The following GTF2A2 variants were observed in gnomAD, a reference collection of about 807,000 sequenced individuals.
The protein encoded by GTF2A2 is general transcription factor IIA subunit 2.
A neutral mutation model predicts 14.3 loss-of-function variants in GTF2A2; 9 were observed. That is an observed-to-expected ratio of 0.63 (90% confidence interval 0.38 to 1.10). The LOEUF (loss-of-function observed/expected upper bound fraction) is 1.10, where lower values mean the gene tolerates loss of function less well. Ranked by LOEUF, GTF2A2 falls within the 50% of genes least tolerant of loss-of-function variation. The pLI is 0.01. For synonymous variants in GTF2A2, 56 were observed against 46.0 expected, an observed-to-expected ratio of 1.22 and a Z score of -0.88; for missense variants, 90 against 124.6, an observed-to-expected ratio of 0.72 and a Z score of 1.32.
intron 3 of GTF2A2, among the ~76,000 whole-genome samples, chr15:59,648,366 C>G (rs1351946071): frequency 7.0e-6 from 1 of 143,726 alleles, no homozygotes; most frequent in African/African-American, 2.6e-5. Context: ...CGAGATTGCG[C>G]CACTGCATTC....
At chr15:59,639,464 A>ATT (rs10643204) in intron 4 of GTF2A2, among the ~76,000 whole-genome samples, 79,987 of 142,686 alleles carry the variant, frequency 0.56, 23,180 homozygotes, top group Middle Eastern at 0.67. Flanking sequence ...ACTGTCCCAA[A>ATT]TTTTTTTTTT....
chr15:59,639,138 T>G lies in GTF2A2; in HGVS notation c.324A>C (p.Thr108=), dbSNP rs1055500415. 1 of 1,452,918 alleles carries G rather than the reference T, an allele frequency of 6.9e-7. No individual in the cohort carries two copies. Among genetic ancestry groups the G allele is most frequent in the Non-Finnish European group, 9.7e-7 (1 of 1,035,534 alleles). 90.0% of individuals were successfully genotyped at this position (1,452,918 alleles called of 1,614,324 possible). Residue 108 remains threonine, a synonymous_variant, in exon 5 of 5, where the codon ACA becomes ACC. Transcript: ENST00000396060. ...AAAGTCATATTTTTTCTATTCATTC[T>G]GTAGTATTGGAGCCAGTATCTAGGA... ...CDGKNTGSNT[T]E
intron 3 of GTF2A2, among the ~76,000 whole-genome samples, chr15:59,649,925 T>C (rs1235196831): frequency 6.6e-6 from 1 of 152,230 alleles, no homozygotes; most frequent in Non-Finnish European, 1.5e-5. Flanking sequence ...AACCATATTT[T>C]AACCTTCTTT....
Position 59,654,721 on chromosome 15 carries a change from C to G in GTF2A2, c.-49-2395G>C, listed in dbSNP as rs546130937. Among the ~76,000 whole-genome samples, 64 of 152,240 alleles carry G rather than the reference C, an allele frequency of 4.2e-4. 2 individuals are homozygous for G. The Middle Eastern group carries it at 0.01, about 24-fold the overall frequency. ...TATCTGAGTATGACACAAAGTATTA[C>G]ACTTCACTGAGGAAACTGCAGCAAT... On this transcript the variant is annotated intron_variant, in intron 1 of 4. Transcript: ENST00000396060.
At chr15:59,650,308 G>A (rs1168230399) in intron 3 of GTF2A2, among the ~76,000 whole-genome samples, 1 of 152,178 alleles carries the variant, frequency 6.6e-6, no homozygotes, top group Admixed American at 6.5e-5. Flanking sequence ...GGAAAGGCCA[G>A]ACTTTGAAAA....
rs542562066 is a variant in GTF2A2, at chr15:59,642,972, G to A, written c.178-710C>T. 9.9e-5 allele frequency among the ~76,000 whole-genome samples: 15 copies of A among 151,558 alleles called. No individual in the cohort carries two copies. The East Asian group carries it at 2.9e-3, about 29-fold the overall frequency. ...AGCAGAGATGGTGTTTCACCATGTT[G>A]GCCAGGATGGTCTCGAACTCTGACC... On this transcript the variant is annotated intron_variant, in intron 3 of 4. Transcript: ENST00000396060.
rs191658198 is a variant in GTF2A2 at position 59,652,306 on chromosome 15, A to T, written c.-29T>A. The T allele has an allele frequency of 4.5e-5, 60 of 1,335,588 alleles. No homozygotes were observed. The African/African-American group carries it at 8.1e-4, about 18-fold the overall frequency. The allele number at this position is 1,335,588 out of a possible 1,614,324, so 82.7% of individuals were successfully genotyped here. Reference sequence around the variant, plus strand: ...TTAGGAGGAAGAATTTGTTTTTCTTATTCAAGCTTGCATTGATGTCCTAAA... The same window carrying T: ...TTAGGAGGAAGAATTTGTTTTTCTTTTTCAAGCTTGCATTGATGTCCTAAA... On this transcript the variant is annotated 5_prime_UTR_variant, in exon 2 of 5. Transcript: ENST00000396060.
At chr15:59,654,041 TA>T (rs1183047078) in intron 1 of GTF2A2, among the ~76,000 whole-genome samples, 5 of 152,352 alleles carry the variant, frequency 3.3e-5, no homozygotes, top group African/African-American at 1.2e-4. Flanking sequence ...GTTAATGTGA[TA>T]ACTCATGGTC....
At chr15:59,645,639 G>A (rs988180990) in intron 3 of GTF2A2, among the ~76,000 whole-genome samples, 2 of 152,088 alleles carry the variant, frequency 1.3e-5, no homozygotes, top group African/African-American at 4.8e-5. Context: ...AGATCTCCTC[G>A]TTTGCTACAG....
chr15:59,657,209 G>C (rs1345264195), intron 1 of GTF2A2, 197 bp downstream of exon 1: 2 of 152,388 alleles, frequency 1.3e-5, no homozygotes, highest in Non-Finnish European at 2.9e-5. Flanking sequence ...CCCGCCACGG[G>C]ACGCGACCAT....
chr15:59,648,750 C>T (rs540270348), intron 3 of GTF2A2, among the ~76,000 whole-genome samples: 8 of 152,004 alleles, frequency 5.3e-5, no homozygotes, highest in African/African-American at 1.7e-4. Context: ...CTGGCAAATA[C>T]GGTGAAACCC....
At chr15:59,640,161 C>T (rs1891359432) in intron 4 of GTF2A2, 1 of 152,228 alleles carries the variant, frequency 6.6e-6, no homozygotes, top group Non-Finnish European at 1.5e-5. Flanking sequence ...TCAATTACTA[C>T]ACCGTGCTGA....
intron 3 of GTF2A2, chr15:59,644,437 G>C (rs560316557): frequency 4.9e-4 from 75 of 152,308 alleles, no homozygotes; most frequent in African/African-American, 1.7e-3. Flanking sequence ...TAAGGAAAGT[G>C]ATAGCTATGA....
In GTF2A2 at chr15:59,652,303, C is replaced by G; in HGVS notation, c.-26G>C. On this transcript the variant is annotated 5_prime_UTR_variant, in exon 2 of 5. Coordinates refer to ENST00000396060, the MANE Select transcript of GTF2A2 (RefSeq NM_004492.3). ...GGCTTAGGAGGAAGAATTTGTTTTT[C>G]TTATTCAAGCTTGCATTGATGTCCT... 7.5e-7 allele frequency: 1 copy of G among 1,329,842 alleles called. No individual in the cohort carries two copies. The highest frequency in any genetic ancestry group is 1.2e-5 in the South Asian group (1 of 81,330). 82.4% of individuals were successfully genotyped at this position (1,329,842 alleles called of 1,614,324 possible). A position where few individuals can be genotyped will look rare whatever the true frequency, so the allele number is the denominator to read the frequency against.
At chr15:59,644,608 G>C (rs916652364) in intron 3 of GTF2A2, among the ~76,000 whole-genome samples, 46 of 152,342 alleles carry the variant, frequency 3.0e-4, no homozygotes, top group African/African-American at 1.0e-3. Context: ...GAAAGAGTAA[G>C]TTACTGGGTA....
intron 3 of GTF2A2, among the ~76,000 whole-genome samples, chr15:59,645,794 G>A (rs1272120846): frequency 2.0e-5 from 3 of 151,914 alleles, no homozygotes; most frequent in African/African-American, 2.4e-5. Context: ...CCAGCACTTC[G>A]GGATGCTGAG....
At chr15:59,646,522 C>CACTCTT (rs1891612162) in intron 3 of GTF2A2, among the ~76,000 whole-genome samples, 1 of 152,086 alleles carries the variant, frequency 6.6e-6, no homozygotes, top group Admixed American at 6.6e-5. Context: ...TTAAACAAAG[C>CACTCTT]AAGTCCTTGG....
Position 59,642,174 on chromosome 15 carries a change from T to C in GTF2A2, c.266A>G (p.Lys89Arg), listed in dbSNP as rs767194568. The change falls in exon 4 of 5, where the codon AAA (lysine) becomes AGA (arginine). Residue 89 changes from lysine (K) to arginine (R), a missense_variant. Coordinates refer to ENST00000396060, the MANE Select transcript of GTF2A2 (RefSeq NM_004492.3). ...VEFREVTELI[K>R]VDKVKIVACD... is the part of the protein sequence containing the mutation. ...GGCTACAATTTTCACTTTATCCACT[T>C]TAATAAGTTCTGTCACCTCTCTGAA... 20 of 1,610,044 alleles carry C rather than the reference T, an allele frequency of 1.2e-5. No individual in the cohort carries two copies. Among genetic ancestry groups the C allele is most frequent in the Non-Finnish European group, 1.5e-5 (18 of 1,178,252 alleles).
rs561593365 is a variant in GTF2A2 at position 59,646,756 on chromosome 15, ACAT to A, written c.177+3910_177+3912del. 3.8e-3 allele frequency among the ~76,000 whole-genome samples: 586 copies of A among 152,292 alleles called. 12 individuals carry two copies. The highest frequency in any genetic ancestry group is 1.2e-3 in the Non-Finnish European group (84 of 68,026). On this transcript the variant is annotated intron_variant, in intron 3 of 4. Coordinates refer to ENST00000396060, the MANE Select transcript of GTF2A2 (RefSeq NM_004492.3). ...AACTGTAAATGAAAATTGACAATTA[ACAT>A]CATCAAAGTGCACATTAGCTACGTA...
Sources: gnomAD v4.1 joint callset for allele counts (sites outside exome capture counted in the v4.1 genomes callset) on GRCh38, gnomAD v4.1.1 for gene constraint, MANE v1.5 for transcripts, NCBI Gene and HGNC (gene_info 2026-07-23, HGNC 2026-07-21) for gene names.